Variants in RORA observed in about 807,000 individuals in gnomAD.
RORA encodes nuclear receptor ROR-alpha.
In RORA, 7 loss-of-function variants were observed where a neutral mutation model predicts 69.5. That is an observed-to-expected ratio of 0.10 (90% confidence interval 0.06 to 0.19). The LOEUF (loss-of-function observed/expected upper bound fraction) is 0.19, where lower values mean the gene tolerates loss of function less well. RORA is among the 10% of genes least tolerant of loss of function. RORA has a pLI of 1.00. For synonymous variants in RORA, 261 were observed against 240.8 expected, an observed-to-expected ratio of 1.08 and a Z score of -0.78; for missense variants, 457 against 663.0, an observed-to-expected ratio of 0.69 and a Z score of 3.41.
intron 2 of RORA, among the ~76,000 whole-genome samples, chr15:60,636,866 T>C (rs1159663728): frequency 1.3e-5 from 2 of 152,146 alleles, no homozygotes; most frequent in Non-Finnish European, 2.9e-5. Context: ...CATACTACTT[T>C]TTATTCAATC....
chr15:61,059,961 AGAGGAAGAGGAAGAGGAAGAGGAAGAG>A (rs1566968688), intron 1 of RORA, among the ~76,000 whole-genome samples: 1 of 128,510 alleles, frequency 7.8e-6, no homozygotes, highest in African/African-American at 3.3e-5. Flanking sequence ...AAGAAGAAGA[AGAGGAAGAGGAAGAGGAAGAGGAAGAG>A]GAAGAAGAAG....
intron 1 of RORA, among the ~76,000 whole-genome samples, chr15:60,903,569 T>C (rs1007835331): frequency 3.9e-5 from 6 of 152,218 alleles, no homozygotes; most frequent in Admixed American, 6.5e-5. Flanking sequence ...CTCTGCTTTA[T>C]TTTGAAATTC....
intron 1 of RORA, among the ~76,000 whole-genome samples, chr15:60,802,882 T>G (rs1169195246): frequency 2.6e-5 from 4 of 152,160 alleles, no homozygotes; most frequent in Non-Finnish European, 5.9e-5. Flanking sequence ...CTGGGTTCTG[T>G]GTTCCAGAAA....
chr15:60,809,561 A>G (rs933766118), intron 1 of RORA, among the ~76,000 whole-genome samples: 7 of 152,142 alleles, frequency 4.6e-5, no homozygotes, highest in Non-Finnish European at 1.0e-4. Flanking sequence ...TTTAGGCTTT[A>G]TCTACTGACC....
chr15:60,606,540 A>G (rs1298627226), intron 2 of RORA, among the ~76,000 whole-genome samples: 1 of 152,186 alleles, frequency 6.6e-6, no homozygotes. Context: ...TTTCATTTGT[A>G]TGTAGCTTGT....
At chr15:61,055,562 C>A (rs1318457894) in intron 1 of RORA, among the ~76,000 whole-genome samples, 5 of 152,146 alleles carry the variant, frequency 3.3e-5, no homozygotes, top group Non-Finnish European at 5.9e-5. Flanking sequence ...AGGTCCTGTG[C>A]CAGGCCATTA....
At chr15:61,217,439 G>C (rs1019189847) in intron 1 of RORA, among the ~76,000 whole-genome samples, 1 of 152,036 alleles carries the variant, frequency 6.6e-6, no homozygotes, top group Admixed American at 6.6e-5. Flanking sequence ...AATGAGCAGA[G>C]AGAGAGATGG....
At chr15:60,946,335 C>T (rs1041962454) in intron 1 of RORA, among the ~76,000 whole-genome samples, 2 of 152,072 alleles carry the variant, frequency 1.3e-5, no homozygotes, top group Non-Finnish European at 2.9e-5. Context: ...CGGGACTGTA[C>T]TGCCGCCATC....
At chr15:60,596,021 A>C (rs2068659118) in intron 2 of RORA, among the ~76,000 whole-genome samples, 1 of 152,208 alleles carries the variant, frequency 6.6e-6, no homozygotes, top group African/African-American at 2.4e-5. Context: ...AGGAGTCTAG[A>C]CGGTAGTATC....
chr15:60,606,454 GT>G (rs77421579), intron 2 of RORA, among the ~76,000 whole-genome samples: 22,434 of 151,900 alleles, frequency 0.15, 1,920 homozygotes, highest in East Asian at 0.3. Flanking sequence ...TCTTGTTGTT[GT>G]TTTTTTTAAA....
chr15:60,629,314 G>A (rs2069678488), intron 2 of RORA, among the ~76,000 whole-genome samples: 1 of 150,198 alleles, frequency 6.7e-6, no homozygotes, highest in South Asian at 2.1e-4. Context: ...AGTCTCCCAA[G>A]TAGCTGGGAT....
intron 1 of RORA, among the ~76,000 whole-genome samples, chr15:60,842,654 C>T (rs1301892577): frequency 6.6e-6 from 1 of 152,138 alleles, no homozygotes; most frequent in Admixed American, 6.5e-5. Flanking sequence ...CTTCACTGCC[C>T]CTTCTACCTG....
At chr15:60,812,331 C>A (rs2072755897) in intron 1 of RORA, among the ~76,000 whole-genome samples, 1 of 151,994 alleles carries the variant, frequency 6.6e-6, no homozygotes, top group Non-Finnish European at 1.5e-5. Context: ...TACTGAGACC[C>A]CATCTCTACA....
chr15:60,954,472 G>A (rs1465424527), intron 1 of RORA, among the ~76,000 whole-genome samples: 2 of 151,618 alleles, frequency 1.3e-5, no homozygotes, highest in Non-Finnish European at 2.9e-5. Context: ...CCATAAATGT[G>A]AGATGGGAGT....
At chr15:60,703,442 A>G (rs75612979) in intron 1 of RORA, among the ~76,000 whole-genome samples, 5,247 of 139,640 alleles carry the variant, frequency 0.038, 199 homozygotes, top group East Asian at 0.17. Context: ...GTGTTCTTCA[A>G]TGAACATAGA....
Position 60,933,771 on chromosome 15 carries a change from G to A in RORA, c.167-255085C>T, listed in dbSNP as rs1892439408. On this transcript the variant is annotated intron_variant, in intron 1 of 10. Coordinates refer to ENST00000335670, the MANE Select transcript of RORA (RefSeq NM_134261.3). Reference sequence around the variant, plus strand: ...TACAGCTGTGGTATTTCATACCAGAGGTGGCTGCACATCAGTAATAAAAAC... The same window carrying A: ...TACAGCTGTGGTATTTCATACCAGAAGTGGCTGCACATCAGTAATAAAAAC... Among the ~76,000 whole-genome samples, 5 of 152,282 alleles carry A rather than the reference G, an allele frequency of 3.3e-5. No homozygotes were observed. In the South Asian group the frequency reaches 1.0e-3, roughly 32 times the overall value.
In RORA at chr15:60,954,899, A is replaced by T. The variant is rs7182858; in HGVS notation, c.166+274154T>A. ...TATTCCTCTTTGCAGTCATCCAGTAATGACAGACTGGATGACTCAATACAT... is the reference window on the plus strand; with the variant it reads ...TATTCCTCTTTGCAGTCATCCAGTATTGACAGACTGGATGACTCAATACAT... On this transcript the variant is annotated intron_variant, in intron 1 of 10. Coordinates refer to ENST00000335670, the MANE Select transcript of RORA (RefSeq NM_134261.3). Among the ~76,000 whole-genome samples the T allele has an allele frequency of 3.3e-5, 5 of 152,286 alleles. No homozygotes were observed. In the East Asian group the frequency reaches 7.7e-4, roughly 23 times the overall value.
chr15:60,866,026 C>A (rs1204250180), intron 1 of RORA, among the ~76,000 whole-genome samples: 2 of 152,118 alleles, frequency 1.3e-5, no homozygotes, highest in African/African-American at 2.4e-5. Context: ...TCACCCCAAG[C>A]ATTTACCATT....
At chr15:61,223,314 C>CAAAAAAA (rs10685041) in intron 1 of RORA, among the ~76,000 whole-genome samples, 1 of 96,242 alleles carries the variant, frequency 1.0e-5, no homozygotes, top group African/African-American at 4.3e-5. Context: ...GACTCTGTCT[C>CAAAAAAA]AAAAAAAAAA....
Sources: gnomAD v4.1 joint callset for allele counts (sites outside exome capture counted in the v4.1 genomes callset) on GRCh38, gnomAD v4.1.1 for gene constraint, MANE v1.5 for transcripts, NCBI Gene and HGNC (gene_info 2026-07-23, HGNC 2026-07-21) for gene names.